KANK2: variants seen among roughly 807,000 people sequenced by gnomAD.
KANK2 encodes the protein KN motif and ankyrin repeat domain-containing protein 2.
A neutral mutation model predicts 74.6 loss-of-function variants in KANK2; 41 were observed. That is an observed-to-expected ratio of 0.55 (90% confidence interval 0.43 to 0.71). The LOEUF (loss-of-function observed/expected upper bound fraction) is 0.71, where lower values mean the gene tolerates loss of function less well. Among genes scored for constraint, KANK2 ranks in the 30% least tolerant of loss-of-function variants. The pLI is 0.00. For synonymous variants in KANK2, 537 were observed against 519.0 expected, an observed-to-expected ratio of 1.03 and a Z score of -0.47; for missense variants, 1,148 against 1,196.4, an observed-to-expected ratio of 0.96 and a Z score of 0.60.
intron 6 of KANK2, among the ~76,000 whole-genome samples, chr19:11,178,085 G>A (rs1292142781): frequency 1.3e-5 from 2 of 152,196 alleles, no homozygotes; most frequent in Admixed American, 6.6e-5. Context: ...GGCACCTTCT[G>A]TGGGGTAGAG....
upstream of KANK2, chr19:11,197,818 TC>T (rs2079067938): frequency 6.6e-6 from 1 of 151,720 alleles, no homozygotes; most frequent in South Asian, 2.1e-4. Flanking sequence ...CCGCCTGCTG[TC>T]CCTGGGCCGC....
intron 12 of KANK2, among the ~76,000 whole-genome samples, chr19:11,169,267 G>A (rs186259867): frequency 1.2e-4 from 19 of 152,272 alleles, no homozygotes; most frequent in African/African-American, 4.6e-4. Flanking sequence ...GAACCTGGGA[G>A]ATACAGGTTA....
intron 4 of KANK2, among the ~76,000 whole-genome samples, chr19:11,190,179 G>A (rs1402029178): frequency 6.6e-6 from 1 of 151,672 alleles, no homozygotes; most frequent in East Asian, 1.9e-4. Context: ...CTGTCATCCA[G>A]GCTAGAGTGC....
In KANK2 at chr19:11,173,400, C is replaced by T. The variant is rs79911079; in HGVS notation, c.2069-277G>A. The stretch of plus-strand genomic sequence containing the variant: ...TGGGTCTCCCCTGTTAATTTTGGAA[C>T]AGCCATTTACCCTCAGACTGGCCCA... On this transcript the variant is annotated intron_variant, in intron 9 of 12. Transcript: ENST00000586659. 2.4e-3 allele frequency among the ~76,000 whole-genome samples: 362 copies of T among 152,276 alleles called. 2 individuals carry two copies. The highest frequency in any genetic ancestry group is 8.5e-3 in the African/African-American group (353 of 41,564).
At chr19:11,176,475 T>A in intron 7 of KANK2, 103 bp downstream of exon 7, 1 of 1,319,376 alleles carries the variant, frequency 7.6e-7, no homozygotes. Flanking sequence ...AAAGTGTGCA[T>A]GACTGATAGG....
Position 11,193,814 on chromosome 19 carries a change from G to A in KANK2, c.266C>T (p.Ser89Phe). The A allele has an allele frequency of 6.2e-7, 1 of 1,612,676 alleles. No individual in the cohort carries two copies. Among genetic ancestry groups the A allele is most frequent in the Non-Finnish European group, 8.5e-7 (1 of 1,179,668 alleles). ...SWWTSTESLCSNASGDSRHSA... is the reference protein window; with the variant it reads ...SWWTSTESLCFNASGDSRHSA... ...GTGGCGGCTGTCCCCACTGGCATTGGAGCACAGCGACTCAGTGGACGTCCA... is the reference window on the plus strand; with the variant it reads ...GTGGCGGCTGTCCCCACTGGCATTGAAGCACAGCGACTCAGTGGACGTCCA... The change falls in exon 4 of 13, where the codon TCC (serine) becomes TTC (phenylalanine). Residue 89 changes from serine (S) to phenylalanine (F), a missense_variant. Ser to Phe is a radical substitution (Grantham distance 155). Coordinates refer to ENST00000586659, the MANE Select transcript of KANK2 (RefSeq NM_001136191.3). This position sits in a 1 kb window ranked among gnomAD's most constrained non-coding sequence, Gnocchi z 9.6.
rs549266060 is a variant in KANK2 at position 11,176,064 on chromosome 19, C to G, written c.1761-75G>C. 353 of 1,150,096 alleles carry G rather than the reference C, an allele frequency of 3.1e-4. 1 individual carries two copies. Among genetic ancestry groups the G allele is most frequent in the Non-Finnish European group, 4.4e-4 (339 of 771,572 alleles). 71.2% of individuals were successfully genotyped at this position (1,150,096 alleles called of 1,614,324 possible). Reference sequence around the variant, plus strand: ...CTGGGAAGGGACTTGACATTCTGCACCACGTCACTCACAATAGGGTCACCT... The same window carrying G: ...CTGGGAAGGGACTTGACATTCTGCAGCACGTCACTCACAATAGGGTCACCT... On this transcript the variant is annotated intron_variant, in intron 7 of 12. Coordinates refer to ENST00000586659, the MANE Select transcript of KANK2 (RefSeq NM_001136191.3).
At position 11,170,429 on chromosome 19, in the gene KANK2, CAGAA is replaced by C; in HGVS notation, c.2212-185_2212-182del. ...CAGGGGAGTAATAAATCCACAGAGACAGAAAGCGGATGAGTGGTTGCCAGAGGCT... is the reference window on the plus strand; with the variant it reads ...CAGGGGAGTAATAAATCCACAGAGACAGCGGATGAGTGGTTGCCAGAGGCT... On this transcript the variant is annotated intron_variant, in intron 10 of 12. Transcript: ENST00000586659. This position sits in a 1 kb window ranked among gnomAD's most constrained non-coding sequence, Gnocchi z 5.2. The C allele has an allele frequency of 1.7e-6, 1 of 600,720 alleles. No individual in the cohort carries two copies. The highest frequency in any genetic ancestry group is 2.0e-5 in the South Asian group (1 of 50,518). 37.2% of individuals were successfully genotyped at this position (600,720 alleles called of 1,614,324 possible). A position where few individuals can be genotyped will look rare whatever the true frequency, so the allele number is the denominator to read the frequency against.
At chr19:11,173,511 C>T (rs1014494912) in intron 9 of KANK2, among the ~76,000 whole-genome samples, 2 of 152,146 alleles carry the variant, frequency 1.3e-5, no homozygotes, top group Non-Finnish European at 2.9e-5. Flanking sequence ...GGGCAAGTTT[C>T]TTACTAACTG....
chr19:11,176,665 C>G lies in KANK2; in HGVS notation c.1673G>C (p.Ser558Thr). The G allele has an allele frequency of 6.2e-7, 1 of 1,613,744 alleles. No individual in the cohort carries two copies. The highest frequency in any genetic ancestry group is 8.5e-7 in the Non-Finnish European group (1 of 1,179,886). ...TCGAGACAGCTGACACTCCTGCCGG[C>G]TGGTCTTGGCCGCTGCCGTCCCTGC... ...RPAGTAAAKT[S>T]RQECQLSRES... The change falls in exon 7 of 13, where the codon AGC becomes ACC. Residue 558 changes from serine (S) to threonine (T), a missense_variant. Physicochemically the swap from Ser to Thr is moderately conservative, Grantham distance 58. Coordinates refer to ENST00000586659, the MANE Select transcript of KANK2 (RefSeq NM_001136191.3).
At chr19:11,181,224 G>A (rs1351409576) in intron 4 of KANK2, among the ~76,000 whole-genome samples, 1 of 149,492 alleles carries the variant, frequency 6.7e-6, no homozygotes, top group Non-Finnish European at 1.5e-5. Flanking sequence ...GAGTTCCCTA[G>A]AGTTGTCAAG....
intron 4 of KANK2, 41 bp downstream of exon 4, chr19:11,192,790 C>CA (rs745565215): frequency 6.3e-7 from 1 of 1,580,060 alleles, no homozygotes; most frequent in South Asian, 1.1e-5. Flanking sequence ...GAGGCCCCCC[C>CA]CCCCCAAGCC....
intron 4 of KANK2, among the ~76,000 whole-genome samples, chr19:11,180,536 T>C (rs919804859): frequency 6.6e-6 from 1 of 152,076 alleles, no homozygotes; most frequent in African/African-American, 2.4e-5. Flanking sequence ...CACTCGGTCA[T>C]CGGCATGGCC....
At chr19:11,173,225 A>G (rs1678329187) in intron 9 of KANK2, 102 bp from the exon 10 acceptor site, 1 of 1,250,390 alleles carries the variant, frequency 8.0e-7, no homozygotes, top group African/African-American at 1.5e-5. Flanking sequence ...GGCATGCCCT[A>G]ATCCCTCCCT....
chr19:11,181,854 A>C (rs569929096), intron 4 of KANK2, among the ~76,000 whole-genome samples: 3 of 152,208 alleles, frequency 2.0e-5, no homozygotes, highest in Admixed American at 6.6e-5. Flanking sequence ...AACAAACAAA[A>C]AAATGATGCA....
intron 8 of KANK2, 33 bp downstream of exon 8, chr19:11,175,869 G>A (rs1336088416): frequency 1.3e-6 from 2 of 1,568,036 alleles, no homozygotes; most frequent in Non-Finnish European, 8.8e-7. Context: ...GGGTCCGGGG[G>A]GTGGCCAACC....
chr19:11,194,919 T>G, intron 2 of KANK2: 1 of 175,302 alleles, frequency 5.7e-6, no homozygotes. Flanking sequence ...CTGCACCCCC[T>G]CCCCTCAGCC....
In KANK2 at chr19:11,173,002, G is replaced by A; in HGVS notation, c.2190C>T (p.Asn730=). The change falls in exon 10 of 13, where the codon AAC becomes AAT. Residue 730 remains asparagine (N), a synonymous_variant. Transcript: ENST00000586659. ...ETVLQLFRLG[N]INAKASQAGQ... ...ATACCTGGCTGGCTTTGGCATTGAT[G>A]TTGCCAAGCCGGAAGAGCTGAAGGA... 6.2e-7 allele frequency: 1 copy of A among 1,613,906 alleles called. No homozygotes were observed. Among genetic ancestry groups the A allele is most frequent in the Middle Eastern group, 1.7e-4 (1 of 6,060 alleles).
chr19:11,192,990 G>T lies in KANK2; in HGVS notation c.1090C>A (p.Leu364Met). The T allele has an allele frequency of 6.2e-7, 1 of 1,614,014 alleles. No individual in the cohort carries two copies. The change falls in exon 4 of 13, where the codon CTG becomes ATG. Residue 364 changes from leucine (L) to methionine (M), a missense_variant. Coordinates refer to ENST00000586659, the MANE Select transcript of KANK2 (RefSeq NM_001136191.3). ...CTACCAGGCATTGCCAGGGCCCTCA[G>T]CCCTGTGCCGTAAGGCTCCAGGCTC... ...AQSLEPYGTG[L>M]RALAMPGRPE...
Sources: allele counts gnomAD v4.1 joint callset (sites outside exome capture counted in the v4.1 genomes callset), GRCh38; gene constraint gnomAD v4.1.1; non-coding constraint Gnocchi (gnomAD v3.1); transcripts MANE v1.5; gene names NCBI Gene and HGNC (gene_info 2026-07-23, HGNC 2026-07-21).